The following KCNN3 variants were observed in gnomAD, a reference collection of about 807,000 sequenced individuals.
KCNN3 encodes potassium calcium-activated channel subfamily N member 3.
In KCNN3, 16 loss-of-function variants were observed where a neutral mutation model predicts 62.9. That is an observed-to-expected ratio of 0.25 (90% CI 0.17 to 0.39). KCNN3 has a LOEUF of 0.39. KCNN3 is among the 10% of genes least tolerant of loss of function. The probability of loss-of-function intolerance (pLI) is 1.00; values close to 1 mark genes in which losing one functional copy is unlikely to be tolerated. For synonymous variants in KCNN3, 370 were observed against 389.2 expected (o/e 0.95, Z 0.58); for missense variants, 599 against 949.4 (o/e 0.63, Z 4.85).
intron 5 of KCNN3, among the ~76,000 whole-genome samples, chr1:154,721,420 C>T (rs1194903918): frequency 6.6e-6 from 1 of 151,772 alleles, no homozygotes; most frequent in Non-Finnish European, 1.5e-5. Context: ...CTGCCTCAGC[C>T]TCCCGAGAAG....
chr1:154,733,117 A>G lies in KCNN3; in HGVS notation c.1476T>C (p.Ser492=), dbSNP rs777239113. ...TGAGCCACATGGCACCCAGAAAGTT[A>G]CTAGTTACGTCCTGCTGGTCATGGT... ...ERYHDQQDVT[S]NFLGAMWLIS... is the part of the protein sequence containing the mutation. The change falls in exon 4 of 8, where the codon AGT becomes AGC. Residue 492 remains serine, a synonymous_variant. Coordinates refer to ENST00000271915, the MANE Select transcript of KCNN3 (RefSeq NM_002249.6). 9.0e-5 allele frequency: 146 copies of G among 1,614,076 alleles called. No individual in the cohort carries two copies. The highest frequency in any genetic ancestry group is 1.2e-4 in the Non-Finnish European group (138 of 1,180,026).
At position 154,822,194 on chromosome 1, in the gene KCNN3, C is replaced by A; in HGVS notation, c.934-10G>T. The A allele has an allele frequency of 6.3e-7, 1 of 1,589,596 alleles. No individual in the cohort carries two copies. On this transcript the variant is annotated splice_polypyrimidine_tract_variant and intron_variant, in intron 1 of 7. Transcript: ENST00000271915. ...ACGAAAACATGGAGTCCTGCAGGAA[C>A]AATGGAGAGAGAGAATTAGGGAGTG...
intron 3 of KCNN3, among the ~76,000 whole-genome samples, chr1:154,754,370 T>C (rs1448476590): frequency 1.3e-5 from 2 of 151,086 alleles, no homozygotes; most frequent in Non-Finnish European, 2.9e-5. Context: ...GGGCTGGGAG[T>C]GGCATAAGGA....
At chr1:154,837,620 G>A (rs1181947328) in intron 1 of KCNN3, among the ~76,000 whole-genome samples, 8 of 152,196 alleles carry the variant, frequency 5.3e-5, no homozygotes, top group Non-Finnish European at 8.8e-5. Flanking sequence ...GCTGTTTCAA[G>A]GCGTCCTGCA....
rs140695178 is a variant in KCNN3 at position 154,742,047 on chromosome 1, G to A, written c.1449-8903C>T. On this transcript the variant is annotated intron_variant, in intron 3 of 7. Transcript: ENST00000271915. ...ACTGCCCTCCTCTGGCATCTGCAGC[G>A]GCTCACTGGCCTGCTTTCCTCCCGC... is the stretch of plus-strand genomic sequence containing the variant. 2.2e-3 allele frequency among the ~76,000 whole-genome samples: 333 copies of A among 152,336 alleles called. 5 individuals carry two copies. The South Asian group carries it at 0.023, about 11-fold the overall frequency.
chr1:154,742,001 C>T (rs534576561), intron 3 of KCNN3, among the ~76,000 whole-genome samples: 29 of 152,392 alleles, frequency 1.9e-4, no homozygotes, highest in Non-Finnish European at 3.4e-4. Context: ...CTGACCCCAC[C>T]GGTGCCTCTC....
At chr1:154,864,219 G>A (rs1358161575) in intron 1 of KCNN3, among the ~76,000 whole-genome samples, 1 of 152,212 alleles carries the variant, frequency 6.6e-6, no homozygotes, top group African/African-American at 2.4e-5. Context: ...GCTGGAAAGG[G>A]TCTATCCTAC....
At chr1:154,742,614 C>T (rs1700846370) in intron 3 of KCNN3, among the ~76,000 whole-genome samples, 1 of 152,228 alleles carries the variant, frequency 6.6e-6, no homozygotes, top group Non-Finnish European at 1.5e-5. Flanking sequence ...AGAAAGAACA[C>T]AAGATCTGGA....
At chr1:154,720,944 G>C (rs1341233572) in intron 5 of KCNN3, among the ~76,000 whole-genome samples, 5 of 152,334 alleles carry the variant, frequency 3.3e-5, no homozygotes, top group African/African-American at 1.2e-4. Flanking sequence ...GGGGTCCAGG[G>C]TCCAGAGGAG....
chr1:154,842,941 G>A lies in KCNN3; in HGVS notation c.934-20757C>T, dbSNP rs116152470. On this transcript the variant is annotated intron_variant, in intron 1 of 7. Coordinates refer to ENST00000271915, the MANE Select transcript of KCNN3 (RefSeq NM_002249.6). ...CTCAACTTACTCATCTATAAAATGG[G>A]GCAGTAAGAGTAGTGACCTCATAAA... Among the ~76,000 whole-genome samples, 754 of 152,170 alleles carry A rather than the reference G, an allele frequency of 5.0e-3. 3 individuals carry two copies. The highest frequency in any genetic ancestry group is 0.018 in the African/African-American group (735 of 41,486).
chr1:154,735,969 A>G (rs1437705018), intron 3 of KCNN3, among the ~76,000 whole-genome samples: 1 of 152,246 alleles, frequency 6.6e-6, no homozygotes, highest in Non-Finnish European at 1.5e-5. Flanking sequence ...AGTCACAGCC[A>G]GGGTCCTCAG....
chr1:154,825,587 C>T (rs1310459843), intron 1 of KCNN3, among the ~76,000 whole-genome samples: 1 of 151,106 alleles, frequency 6.6e-6, no homozygotes, highest in Non-Finnish European at 1.5e-5. Flanking sequence ...AGGATGGTCT[C>T]GATCTCCTGG....
At chr1:154,774,212 G>A (rs577229379) in intron 2 of KCNN3, among the ~76,000 whole-genome samples, 19 of 152,200 alleles carry the variant, frequency 1.2e-4, no homozygotes, top group Non-Finnish European at 2.2e-4. Context: ...TCTGGTCTCG[G>A]TCTTTCTGTA....
chr1:154,751,149 G>A (rs887424712), intron 3 of KCNN3, among the ~76,000 whole-genome samples: 1 of 152,218 alleles, frequency 6.6e-6, no homozygotes, highest in Non-Finnish European at 1.5e-5. Context: ...CCCTTGGCTG[G>A]GAGCTCAGAC....
intron 7 of KCNN3, among the ~76,000 whole-genome samples, chr1:154,708,649 G>T (rs1370163440): frequency 6.6e-6 from 1 of 152,010 alleles, no homozygotes; most frequent in Non-Finnish European, 1.5e-5. Flanking sequence ...ACGCTGGTGG[G>T]GAATGGACAG....
Position 154,869,806 on chromosome 1 carries a change from C to T in KCNN3, c.159G>A (p.Gln53=), listed in dbSNP as rs1465575240. 1.3e-6 allele frequency: 2 copies of T among 1,516,188 alleles called. No homozygotes were observed. Among genetic ancestry groups the T allele is most frequent in the Admixed American group, 4.1e-5 (2 of 48,976 alleles). The allele number at this position is 1,516,188 out of a possible 1,614,324, so 93.9% of individuals were successfully genotyped here. A position where few individuals can be genotyped will look rare whatever the true frequency, so the allele number is the denominator to read the frequency against. ...GAGGCTGCAGCGAGGGTCCCAGGGG[C>T]TGCTGGGGGGCTGCTGGTGGCGCTG... ...PPPAPPAAPQ[Q]PLGPSLQPQP... Residue 53 remains glutamine, a synonymous_variant, in exon 1 of 8, where the codon CAG becomes CAA. Coordinates refer to ENST00000271915, the MANE Select transcript of KCNN3 (RefSeq NM_002249.6). The surrounding 1 kb of genome is among the most constrained non-coding windows in gnomAD (Gnocchi z 6.1).
chr1:154,737,503 A>C (rs1700736377), intron 3 of KCNN3, among the ~76,000 whole-genome samples: 1 of 152,192 alleles, frequency 6.6e-6, no homozygotes, highest in African/African-American at 2.4e-5. Flanking sequence ...GACAGTCAGG[A>C]GTCTCTAACA....
chr1:154,709,802 C>T (rs997431903), intron 7 of KCNN3, among the ~76,000 whole-genome samples: 14 of 152,226 alleles, frequency 9.2e-5, no homozygotes, highest in African/African-American at 2.2e-4. Flanking sequence ...ACATTCTTCC[C>T]GGAATGTGCA....
chr1:154,847,306 G>A (rs1652114529), intron 1 of KCNN3, among the ~76,000 whole-genome samples: 1 of 152,042 alleles, frequency 6.6e-6, no homozygotes, highest in African/African-American at 2.4e-5. Context: ...CAGATCCAGG[G>A]CTCTTTCCTC....
Sources: allele counts gnomAD v4.1 joint callset (sites outside exome capture counted in the v4.1 genomes callset), GRCh38; gene constraint gnomAD v4.1.1; non-coding constraint Gnocchi (gnomAD v3.1); transcripts MANE v1.5; gene names NCBI Gene and HGNC (gene_info 2026-07-23, HGNC 2026-07-21).